CDH1: variants seen among roughly 807,000 people sequenced by gnomAD.
CDH1 encodes the protein cadherin 1.
Under a neutral mutation model 84.5 loss-of-function variants are expected in CDH1, and 35 were observed. The observed-to-expected ratio is 0.41, with a 90% confidence interval of 0.32 to 0.55. The LOEUF (loss-of-function observed/expected upper bound fraction) is 0.55. Ranked by LOEUF, CDH1 falls within the 20% of genes least tolerant of loss-of-function variation. The probability of loss-of-function intolerance (pLI) is 0.19; values close to 1 mark genes in which losing one functional copy is unlikely to be tolerated. For missense variants in CDH1, 994 were observed against 1,126.6 expected (o/e 0.88, Z 1.68); for synonymous variants, 417 against 439.0 (o/e 0.95, Z 0.63).
intron 2 of CDH1, among the ~76,000 whole-genome samples, chr16:68,769,941 A>G (rs28628339): frequency 0.23 from 34,844 of 150,182 alleles, 4,732 homozygotes; most frequent in Middle Eastern, 0.33. Context: ...TCGGCCTCCC[A>G]AAGTGCTGGG....
intron 2 of CDH1, among the ~76,000 whole-genome samples, chr16:68,786,520 CTTTTTTTTTTTTTCTTTT>C (rs1434134414): frequency 1.3e-5 from 1 of 77,534 alleles, no homozygotes; most frequent in Admixed American, 1.4e-4. Flanking sequence ...TTTCTGCTTT[CTTTTTTTTTTTTTCTTTT>C]TTTTTTTTTT....
At chr16:68,826,067 A>C (rs1961314960) in intron 13 of CDH1, among the ~76,000 whole-genome samples, 1 of 151,456 alleles carries the variant, frequency 6.6e-6, no homozygotes, top group South Asian at 2.1e-4. Flanking sequence ...CAGTCCTCCC[A>C]CCTTGGCCTT....
At chr16:68,766,835 C>T (rs1246857377) in intron 2 of CDH1, among the ~76,000 whole-genome samples, 1 of 151,944 alleles carries the variant, frequency 6.6e-6, no homozygotes, top group Non-Finnish European at 1.5e-5. Context: ...TCAAGCAATC[C>T]TCCTGCCTCA....
At chr16:68,769,845 T>A (rs973436917) in intron 2 of CDH1, among the ~76,000 whole-genome samples, 1 of 151,848 alleles carries the variant, frequency 6.6e-6, no homozygotes, top group South Asian at 2.1e-4. Flanking sequence ...GCCTGGCTAA[T>A]TTTTTTGTAT....
intron 2 of CDH1, among the ~76,000 whole-genome samples, chr16:68,794,603 TC>T (rs1482415852): frequency 2.0e-5 from 3 of 151,990 alleles, no homozygotes; most frequent in South Asian, 4.2e-4. Flanking sequence ...CACTGCAGCC[TC>T]CAACTCCTGG....
At position 68,783,914 on chromosome 16, in the gene CDH1, C is replaced by A. The variant is rs1272289715; in HGVS notation, c.164-17756C>A. On this transcript the variant is annotated intron_variant, in intron 2 of 15. Transcript: ENST00000261769. ...CTGGTCCTGAACTCCTGACCTCAAG[C>A]AATCTACCCACCTCGGCCTCCCAAA... Among the ~76,000 whole-genome samples the A allele has an allele frequency of 3.9e-5, 6 of 152,192 alleles. No individual in the cohort carries two copies. The East Asian group carries it at 1.2e-3, about 29-fold the overall frequency.
chr16:68,829,622 C>G (rs1383886849), intron 14 of CDH1, 32 bp from the exon 15 acceptor site: 1 of 1,611,602 alleles, frequency 6.2e-7, no homozygotes, highest in Non-Finnish European at 8.5e-7. Context: ...CTTTCCTACT[C>G]TTCATTGTAC....
chr16:68,741,877 G>A (rs950226519), intron 2 of CDH1, among the ~76,000 whole-genome samples: 1 of 152,136 alleles, frequency 6.6e-6, no homozygotes, highest in East Asian at 1.9e-4. Context: ...CATCATATTG[G>A]TCAGGCTGGT....
At chr16:68,796,043 A>G (rs1420510277) in intron 2 of CDH1, among the ~76,000 whole-genome samples, 2 of 151,524 alleles carry the variant, frequency 1.3e-5, no homozygotes, top group Admixed American at 1.3e-4. Context: ...GGCACCTGTA[A>G]TCCCAGCTAC....
chr16:68,766,507 G>A (rs1034235038), intron 2 of CDH1, among the ~76,000 whole-genome samples: 2 of 152,128 alleles, frequency 1.3e-5, no homozygotes, highest in South Asian at 2.1e-4. Flanking sequence ...AATGGCATTA[G>A]TAGAACCTAC....
intron 2 of CDH1, among the ~76,000 whole-genome samples, chr16:68,757,184 GT>G (rs1469412618): frequency 6.6e-6 from 1 of 152,018 alleles, no homozygotes; most frequent in Non-Finnish European, 1.5e-5. Flanking sequence ...CACCTCCCAG[GT>G]TCAAGCTATT....
chr16:68,811,930 A>T, intron 7 of CDH1, 71 bp downstream of exon 7: 1 of 1,555,626 alleles, frequency 6.4e-7, no homozygotes, highest in South Asian at 1.1e-5. Context: ...GGACAAAGCA[A>T]AATCCTGCTA....
chr16:68,737,746 T>G (rs1424949824), intron 1 of CDH1, among the ~76,000 whole-genome samples: 9 of 123,944 alleles, frequency 7.3e-5, no homozygotes, highest in African/African-American at 9.3e-5. Context: ...GCGCGGGCGG[T>G]GGGGGCGTGA....
intron 2 of CDH1, among the ~76,000 whole-genome samples, chr16:68,746,401 G>A (rs2152116616): frequency 6.6e-6 from 1 of 152,242 alleles, no homozygotes; most frequent in Middle Eastern, 3.4e-3. Flanking sequence ...CCCTAGCCTG[G>A]GCAACAGAGC....
At chr16:68,758,207 CTTTTTTTTTTTTTTTT>C (rs57413297) in intron 2 of CDH1, among the ~76,000 whole-genome samples, 4 of 40,046 alleles carry the variant, frequency 1.0e-4, no homozygotes, top group Admixed American at 6.4e-4. Context: ...CTTTTTATTT[CTTTTTTTTTTTTTTTT>C]TTTTTTTTTT....
At chr16:68,781,305 G>A (rs1170210120) in intron 2 of CDH1, among the ~76,000 whole-genome samples, 1 of 152,068 alleles carries the variant, frequency 6.6e-6, no homozygotes. Context: ...CCACACACCC[G>A]CAGCACTCAT....
chr16:68,755,104 C>T (rs1962983515), intron 2 of CDH1, among the ~76,000 whole-genome samples: 1 of 151,756 alleles, frequency 6.6e-6, no homozygotes, highest in Admixed American at 6.6e-5. Context: ...TGATAGAACC[C>T]CGCCTCTACA....
chr16:68,818,756 A>G (rs1961053859), intron 10 of CDH1, among the ~76,000 whole-genome samples: 1 of 149,628 alleles, frequency 6.7e-6, no homozygotes, highest in Non-Finnish European at 1.5e-5. Context: ...AGGCTGAGGC[A>G]GAAGAATGGT....
At chr16:68,754,421 G>T (rs1962969531) in intron 2 of CDH1, among the ~76,000 whole-genome samples, 1 of 152,114 alleles carries the variant, frequency 6.6e-6, no homozygotes, top group Non-Finnish European at 1.5e-5. Flanking sequence ...CAAGAAAAAA[G>T]AAAAGTATTT....
Sources: allele counts gnomAD v4.1 joint callset (sites outside exome capture counted in the v4.1 genomes callset), GRCh38; gene constraint gnomAD v4.1.1; transcripts MANE v1.5; gene names NCBI Gene and HGNC (gene_info 2026-07-23, HGNC 2026-07-21).